SPMIP2: variants seen among roughly 807,000 people sequenced by gnomAD.
SPMIP2 encodes the protein protein SPMIP2.
the SPMIP2 span, among the ~76,000 whole-genome samples, chr4:158,936,828 G>T: frequency 6.6e-6 from 1 of 152,190 alleles, no homozygotes; most frequent in Non-Finnish European, 1.5e-5. Context: ...GGTGGGGTGG[G>T]TGTTACTGCT....
chr4:159,047,972 T>TA, the SPMIP2 span, among the ~76,000 whole-genome samples: 1 of 152,114 alleles, frequency 6.6e-6, no homozygotes, highest in Non-Finnish European at 1.5e-5. Flanking sequence ...AGAGGGAAAA[T>TA]AAAAGAGCTC....
chr4:158,972,456 T>G, the SPMIP2 span, among the ~76,000 whole-genome samples: 1 of 152,236 alleles, frequency 6.6e-6, no homozygotes, highest in Non-Finnish European at 1.5e-5. Flanking sequence ...TTGATACATT[T>G]AATTTTCAGA....
the SPMIP2 span, among the ~76,000 whole-genome samples, chr4:158,930,140 G>A: frequency 4.6e-5 from 7 of 151,848 alleles, no homozygotes; most frequent in African/African-American, 1.7e-4. Context: ...CCTGCCTTCT[G>A]GCTTCCATGG....
the SPMIP2 span, among the ~76,000 whole-genome samples, chr4:158,967,557 T>C: frequency 6.6e-6 from 1 of 152,244 alleles, no homozygotes; most frequent in African/African-American, 2.4e-5. Context: ...ATTTTCTATT[T>C]TGCTTTTATA....
At chr4:159,017,715 T>C in the SPMIP2 span, among the ~76,000 whole-genome samples, 1 of 152,122 alleles carries the variant, frequency 6.6e-6, no homozygotes, top group African/African-American at 2.4e-5. Context: ...CTTCACAAGA[T>C]AGTTTCTGCC....
chr4:158,963,887 T>C, the SPMIP2 span, among the ~76,000 whole-genome samples: 1 of 151,916 alleles, frequency 6.6e-6, no homozygotes, highest in Non-Finnish European at 1.5e-5. Flanking sequence ...GTCAGCCGAG[T>C]ACGGTGGCTC....
the SPMIP2 span, among the ~76,000 whole-genome samples, chr4:158,967,497 C>T: frequency 6.6e-6 from 1 of 152,178 alleles, no homozygotes; most frequent in South Asian, 2.1e-4. Flanking sequence ...ACGCACTCAT[C>T]TGGGAAAGAA....
At chr4:159,012,146 A>G in the SPMIP2 span, among the ~76,000 whole-genome samples, 1 of 152,172 alleles carries the variant, frequency 6.6e-6, no homozygotes. Flanking sequence ...AGCCAAGAAC[A>G]GTAGTTCCAT....
At chr4:159,015,007 T>C in the SPMIP2 span, among the ~76,000 whole-genome samples, 4 of 152,220 alleles carry the variant, frequency 2.6e-5, no homozygotes, top group East Asian at 7.7e-4. Context: ...CCATGTGTTA[T>C]AACTACAGTG....
the SPMIP2 span, among the ~76,000 whole-genome samples, chr4:158,941,459 C>T: frequency 1.3e-5 from 2 of 152,140 alleles, no homozygotes; most frequent in African/African-American, 2.4e-5. Context: ...GAGTTCCAGA[C>T]AAGCCTGGGA....
chr4:159,012,719 T>C, the SPMIP2 span, among the ~76,000 whole-genome samples: 1 of 151,862 alleles, frequency 6.6e-6, no homozygotes, highest in African/African-American at 2.4e-5. Context: ...CTACAGGCCC[T>C]CAACACCATG....
At chr4:158,933,002 CTTTA>C in the SPMIP2 span, among the ~76,000 whole-genome samples, 1 of 152,052 alleles carries the variant, frequency 6.6e-6, no homozygotes. Context: ...CTTGTTTATA[CTTTA>C]TTTATTTATT....
the SPMIP2 span, among the ~76,000 whole-genome samples, chr4:159,005,605 G>A: frequency 1.3e-5 from 2 of 152,182 alleles, no homozygotes; most frequent in South Asian, 4.1e-4. Context: ...AGCCCAAACT[G>A]AGAAGTGCTA....
the SPMIP2 span, among the ~76,000 whole-genome samples, chr4:159,006,339 T>C: frequency 6.6e-6 from 1 of 152,180 alleles, no homozygotes; most frequent in Non-Finnish European, 1.5e-5. Context: ...AGTGAAACCA[T>C]CTTAAGCAAC....
the SPMIP2 span, chr4:158,915,342 A>G: frequency 6.2e-7 from 1 of 1,611,874 alleles, no homozygotes; most frequent in Non-Finnish European, 8.5e-7. Flanking sequence ...CATATCCAGG[A>G]CATGAGGTTT....
chr4:158,981,212 G>A, the SPMIP2 span, among the ~76,000 whole-genome samples: 1 of 152,178 alleles, frequency 6.6e-6, no homozygotes, highest in African/African-American at 2.4e-5. Flanking sequence ...TATGTGAAAA[G>A]ACCAAACCTA....
chr4:158,928,546 ACGCACCAATCAG>A, the SPMIP2 span, among the ~76,000 whole-genome samples: 1 of 152,088 alleles, frequency 6.6e-6, no homozygotes, highest in African/African-American at 2.4e-5. Flanking sequence ...GGGATTGTAA[ACGCACCAATCAG>A]CGCCCTGTCA....
the SPMIP2 span, among the ~76,000 whole-genome samples, chr4:158,910,905 G>A: frequency 6.6e-6 from 1 of 152,234 alleles, no homozygotes; most frequent in Non-Finnish European, 1.5e-5. Context: ...CACATCATTG[G>A]TTCTGTTTCT....
the SPMIP2 span, among the ~76,000 whole-genome samples, chr4:159,068,731 A>C: frequency 6.6e-6 from 1 of 152,078 alleles, no homozygotes; most frequent in Non-Finnish European, 1.5e-5. Flanking sequence ...AGTGAGACTC[A>C]ATGAGCCAAA....
Sources: gnomAD v4.1 joint callset for allele counts (sites outside exome capture counted in the v4.1 genomes callset) on GRCh38, gnomAD v4.1.1 for gene constraint, MANE v1.5 for transcripts, NCBI Gene and HGNC (gene_info 2026-07-23, HGNC 2026-07-21) for gene names.